PAM: variants seen among roughly 807,000 people sequenced by gnomAD.
The protein encoded by PAM is peptidylglycine alpha-amidating monooxygenase.
A neutral mutation model predicts 122.1 loss-of-function variants in PAM; 72 were observed. The observed-to-expected ratio is 0.59, with a 90% CI of 0.49 to 0.72. The LOEUF (loss-of-function observed/expected upper bound fraction) is 0.72, where lower values mean the gene tolerates loss of function less well. Among genes scored for constraint, PAM ranks in the 30% least tolerant of loss-of-function variants. The pLI is 0.00. For synonymous variants in PAM, 389 were observed against 404.4 expected, an observed-to-expected ratio of 0.96 and a Z score of 0.46; for missense variants, 1,106 against 1,183.7, an observed-to-expected ratio of 0.93 and a Z score of 0.96.
chr5:102,879,185 C>T (rs1274033666), intron 3 of PAM, among the ~76,000 whole-genome samples: 2 of 152,116 alleles, frequency 1.3e-5, no homozygotes, highest in South Asian at 2.1e-4. Flanking sequence ...CCGCTTCGGC[C>T]TCCCAGAGTG....
chr5:102,981,817 C>A (rs1769983412), intron 15 of PAM, among the ~76,000 whole-genome samples: 1 of 152,198 alleles, frequency 6.6e-6, no homozygotes, highest in African/African-American at 2.4e-5. Flanking sequence ...GAAGTGCAAT[C>A]TGAGATTCAA....
At chr5:103,030,944 T>G (rs1786150070), downstream of PAM, 2 of 152,228 alleles carry the variant, frequency 1.3e-5, no homozygotes, top group Non-Finnish European at 2.9e-5. Context: ...TAGCTATATT[T>G]TCACATAAAT....
chr5:102,783,084 G>A (rs1030764165), intron 1 of PAM, among the ~76,000 whole-genome samples: 4 of 151,974 alleles, frequency 2.6e-5, no homozygotes, highest in Non-Finnish European at 5.9e-5. Flanking sequence ...TTTTCATTGA[G>A]TATGATCTTA....
At chr5:102,806,596 TACAC>T (rs748154691) in intron 1 of PAM, among the ~76,000 whole-genome samples, 2 of 152,156 alleles carry the variant, frequency 1.3e-5, no homozygotes, top group Non-Finnish European at 2.9e-5. Context: ...TATACACACA[TACAC>T]ACACACAGAG....
chr5:102,878,800 T>G (rs1012122334), intron 3 of PAM, among the ~76,000 whole-genome samples: 15 of 152,150 alleles, frequency 9.9e-5, no homozygotes, highest in African/African-American at 2.9e-4. Context: ...TTATACACTA[T>G]GTAATGTTTG....
chr5:102,907,542 G>A lies in PAM; in HGVS notation c.268+6129G>A, dbSNP rs377350002. On this transcript the variant is annotated intron_variant, in intron 4 of 25. Transcript: ENST00000438793. ...TCTAGTTCTAGATCCCTGAGGAATTGCCACACTGACTTCCACAATGGTTGA... is the reference window on the plus strand; with the variant it reads ...TCTAGTTCTAGATCCCTGAGGAATTACCACACTGACTTCCACAATGGTTGA... Among the ~76,000 whole-genome samples the A allele has an allele frequency of 9.4e-3, 1,413 of 150,782 alleles. 26 individuals are homozygous for A. Among genetic ancestry groups the A allele is most frequent in the African/African-American group, 0.032 (1,294 of 40,932 alleles).
intron 1 of PAM, among the ~76,000 whole-genome samples, chr5:102,807,626 G>A (rs980654580): frequency 1.3e-5 from 2 of 152,204 alleles, no homozygotes; most frequent in Non-Finnish European, 2.9e-5. Flanking sequence ...TCATGGAGAA[G>A]TAAATAGAGT....
At chr5:102,846,530 CCTCCTGGAAGCTGCCTGT>C (rs112626372) in intron 1 of PAM, among the ~76,000 whole-genome samples, 7,027 of 152,202 alleles carry the variant, frequency 0.046, 343 homozygotes, top group East Asian at 0.18. Context: ...GATACAGCTT[CCTCCTGGAAGCTGCCTGT>C]CTCAGTCAGG....
intron 3 of PAM, among the ~76,000 whole-genome samples, chr5:102,889,444 A>G (rs902504185): frequency 2.0e-5 from 3 of 151,796 alleles, no homozygotes; most frequent in Non-Finnish European, 4.4e-5. Flanking sequence ...TGGGTGGTAC[A>G]GTTTGCTGCT....
intron 3 of PAM, among the ~76,000 whole-genome samples, chr5:102,898,093 A>G (rs111368003): frequency 5.3e-5 from 8 of 151,686 alleles, no homozygotes; most frequent in African/African-American, 1.9e-4. Flanking sequence ...CTAGCACACT[A>G]TCTTCTTTTG....
At chr5:102,892,989 T>TTA (rs1795183563) in intron 3 of PAM, among the ~76,000 whole-genome samples, 1 of 151,830 alleles carries the variant, frequency 6.6e-6, no homozygotes, top group Admixed American at 6.6e-5. Flanking sequence ...TGATCTAATT[T>TTA]AGCTTATTAC....
At chr5:102,848,795 A>T (rs1780616093) in intron 1 of PAM, among the ~76,000 whole-genome samples, 1 of 152,212 alleles carries the variant, frequency 6.6e-6, no homozygotes, top group Non-Finnish European at 1.5e-5. Context: ...AATTTGGGGG[A>T]TCATTCCAGC....
intron 1 of PAM, among the ~76,000 whole-genome samples, chr5:102,766,266 T>G (rs992457040): frequency 6.6e-6 from 1 of 152,200 alleles, no homozygotes; most frequent in Non-Finnish European, 1.5e-5. Context: ...AATGAAATAA[T>G]TATACAACTC....
intron 16 of PAM, among the ~76,000 whole-genome samples, chr5:102,996,784 T>A (rs1038801492): frequency 6.6e-6 from 1 of 152,220 alleles, no homozygotes; most frequent in African/African-American, 2.4e-5. Flanking sequence ...ATGTAGTGAT[T>A]AATTCCTTTA....
intron 12 of PAM, among the ~76,000 whole-genome samples, chr5:102,958,057 T>C (rs1761350001): frequency 6.6e-6 from 1 of 152,178 alleles, no homozygotes; most frequent in African/African-American, 2.4e-5. Context: ...CCAGCAGTGA[T>C]AGTTACTTCA....
In PAM at chr5:102,945,282, GGT is replaced by G. The variant is rs140368278; in HGVS notation, c.527-1554_527-1553del. On this transcript the variant is annotated intron_variant, in intron 7 of 25. Transcript: ENST00000438793. ...GAGCACTTCGTTGAAAACTGATGATGGTCCTGTAAGGCACTATCCTATGATCA... is the reference window on the plus strand; with the variant it reads ...GAGCACTTCGTTGAAAACTGATGATGCCTGTAAGGCACTATCCTATGATCA... 5.7e-3 allele frequency among the ~76,000 whole-genome samples: 860 copies of G among 151,952 alleles called. 10 individuals carry two copies. The highest frequency in any genetic ancestry group is 0.019 in the African/African-American group (784 of 41,460).
chr5:102,982,621 T>G (rs1437753400), intron 15 of PAM, among the ~76,000 whole-genome samples: 1 of 152,238 alleles, frequency 6.6e-6, no homozygotes, highest in African/African-American at 2.4e-5. Context: ...CCACTGATGC[T>G]GATTATAGCC....
rs193070247 is a variant in PAM at position 102,784,511 on chromosome 5, A to G, written c.-374+29163A>G. On this transcript the variant is annotated intron_variant, in intron 1 of 25. Transcript: ENST00000438793. ...CAAAAGTCACTAACGTTTGGTATTC[A>G]TTACCTTAAACTCTGATTACTTTTG... 1.1e-3 allele frequency among the ~76,000 whole-genome samples: 166 copies of G among 152,268 alleles called. 1 individual carries two copies. Among genetic ancestry groups the G allele is most frequent in the African/African-American group, 3.8e-3 (156 of 41,548 alleles).
chr5:102,832,497 A>G (rs1364955755), intron 1 of PAM, among the ~76,000 whole-genome samples: 2 of 152,176 alleles, frequency 1.3e-5, no homozygotes, highest in South Asian at 2.1e-4. Flanking sequence ...TATCTATGAT[A>G]AAGCTTAATT....
Sources: gnomAD v4.1 joint callset for allele counts (sites outside exome capture counted in the v4.1 genomes callset) on GRCh38, gnomAD v4.1.1 for gene constraint, MANE v1.5 for transcripts, NCBI Gene and HGNC (gene_info 2026-07-23, HGNC 2026-07-21) for gene names.